PCDHA3: variants seen among roughly 807,000 people sequenced by gnomAD.
PCDHA3 encodes protocadherin alpha 3.
A neutral mutation model predicts 62.2 loss-of-function variants in PCDHA3; 41 were observed. That is an observed-to-expected ratio of 0.66 (90% confidence interval 0.51 to 0.86). The LOEUF (loss-of-function observed/expected upper bound fraction) is 0.86, where lower values mean the gene tolerates loss of function less well. PCDHA3 is among the 40% of genes least tolerant of loss of function. The pLI, the probability that PCDHA3 is intolerant of heterozygous loss-of-function variation, is 0.00. For missense variants in PCDHA3, 1,304 were observed against 1,241.2 expected (o/e 1.05, Z -0.76); for synonymous variants, 640 against 555.4 (o/e 1.15, Z -2.14).
chr5:140,842,903 C>A lies in PCDHA3; in HGVS notation c.2394+39312C>A. The A allele has an allele frequency of 2.5e-6, 4 of 1,594,400 alleles. 1 individual carries two copies. The South Asian group carries it at 4.4e-5, about 18-fold the overall frequency. On this transcript the variant is annotated intron_variant, in intron 1 of 3. Transcript: ENST00000522353. Reference sequence around the variant, plus strand: ...GCTGCAGCCGCTGGACCACGAGGAGCTAGAGCTGCTGCAGTTCCAGGTGAG... The same window carrying A: ...GCTGCAGCCGCTGGACCACGAGGAGATAGAGCTGCTGCAGTTCCAGGTGAG...
chr5:140,869,072 G>T, intron 1 of PCDHA3: 4 of 1,574,396 alleles, frequency 2.5e-6, no homozygotes, highest in Non-Finnish European at 2.6e-6. Flanking sequence ...TAAGTGTAAA[G>T]AAGCTTATTT....
intron 1 of PCDHA3, chr5:140,831,181 A>T (rs2150192269): frequency 5.3e-5 from 8 of 152,354 alleles, no homozygotes; most frequent in African/African-American, 1.9e-4. Context: ...GTGATTCAAC[A>T]GAATTTAGAC....
In PCDHA3 at chr5:140,835,864, T is replaced by C. The variant is rs2150246825; in HGVS notation, c.2394+32273T>C. 15 of 1,611,970 alleles carry C rather than the reference T, an allele frequency of 9.3e-6. No homozygotes were observed. The highest frequency in any genetic ancestry group is 1.2e-5 in the Non-Finnish European group (14 of 1,179,634). ...AAGAACGCGCTGGTGTCCTACTCGC[T>C]GGTGGAGCTGCGGGTGGGCGAGCGC... On this transcript the variant is annotated intron_variant, in intron 1 of 3. Transcript: ENST00000522353.
At chr5:140,871,659 T>C (rs2153275031) in intron 1 of PCDHA3, 1 of 1,218,398 alleles carries the variant, frequency 8.2e-7, no homozygotes, top group Non-Finnish European at 1.1e-6. Context: ...GATACACATC[T>C]TCAGTCTTTT....
rs782074950 is a variant in PCDHA3, at chr5:140,851,878, A to G, written c.2394+48287A>G. On this transcript the variant is annotated intron_variant, in intron 1 of 3. Transcript: ENST00000522353. ...AGCTCATACATAACACAAGGCAGAA[A>G]TCTGGATATGAGATTTGCCTCTTTA... is the stretch of plus-strand genomic sequence containing the variant. 6.1e-6 allele frequency: 6 copies of G among 977,806 alleles called. 1 individual carries two copies. The highest frequency in any genetic ancestry group is 7.4e-6 in the Non-Finnish European group (6 of 810,298). The allele number at this position is 977,806 out of a possible 1,614,324, so 60.6% of individuals were successfully genotyped here.
chr5:140,836,417 G>T, intron 1 of PCDHA3: 2 of 1,613,822 alleles, frequency 1.2e-6, no homozygotes, highest in Non-Finnish European at 1.7e-6. Flanking sequence ...CACCAAAGGC[G>T]TCGTCGCGGG....
chr5:140,863,854 A>T (rs984993232), intron 1 of PCDHA3: 2 of 177,552 alleles, frequency 1.1e-5, no homozygotes, highest in Admixed American at 1.1e-4. Context: ...TAAAAAAATT[A>T]GCTGGGTGTG....
intron 1 of PCDHA3, chr5:140,884,324 G>T (rs782624216): frequency 1.2e-6 from 2 of 1,613,840 alleles, no homozygotes; most frequent in Non-Finnish European, 1.7e-6. Context: ...GTCGGCAGGC[G>T]CTGTGGGTCC....
intron 1 of PCDHA3, among the ~76,000 whole-genome samples, chr5:140,907,751 A>T (rs1443394789): frequency 1.3e-5 from 2 of 152,134 alleles, no homozygotes; most frequent in African/African-American, 4.8e-5. Context: ...CACTTTGTTC[A>T]TGGGCCCATT....
At chr5:140,915,694 G>A (rs2077262169) in intron 1 of PCDHA3, among the ~76,000 whole-genome samples, 1 of 151,538 alleles carries the variant, frequency 6.6e-6, no homozygotes, top group African/African-American at 2.4e-5. Flanking sequence ...GTATGGTGAT[G>A]CAAGCACTCC....
chr5:140,957,416 A>T (rs1456143168), intron 1 of PCDHA3, among the ~76,000 whole-genome samples: 2 of 152,144 alleles, frequency 1.3e-5, no homozygotes, highest in East Asian at 1.9e-4. Flanking sequence ...TATTGTTGTT[A>T]ATCTTTTACT....
At chr5:140,946,152 G>T (rs1279401608) in intron 1 of PCDHA3, among the ~76,000 whole-genome samples, 1 of 151,750 alleles carries the variant, frequency 6.6e-6, no homozygotes, top group Non-Finnish European at 1.5e-5. Flanking sequence ...CAAATAACAC[G>T]ATTTAAAAGA....
intron 1 of PCDHA3, among the ~76,000 whole-genome samples, chr5:140,937,417 A>T (rs1226073587): frequency 5.3e-5 from 8 of 152,154 alleles, no homozygotes; most frequent in African/African-American, 1.9e-4. Context: ...CTTTTATTAG[A>T]TAGCTGATAT....
In PCDHA3 at chr5:140,802,821, G is replaced by T; in HGVS notation, c.1624G>T (p.Val542Leu). Residue 542 changes from valine to leucine, a missense_variant, in exon 1 of 4, where the codon GTG (valine) becomes TTG (leucine). By Grantham distance (32) the Val-to-Leu change is conservative. Coordinates refer to ENST00000522353, the MANE Select transcript of PCDHA3 (RefSeq NM_018906.3). ...CCAGGTGAGTGCGCGCGATGCGGGC[G>T]TGCCGCCTCTGGGCAGCAACGTGAC... Reference protein sequence around the residue: ...QFQVSARDAGVPPLGSNVTLQ... With the variant: ...QFQVSARDAGLPPLGSNVTLQ... The T allele has an allele frequency of 1.9e-6, 3 of 1,613,484 alleles. No individual in the cohort carries two copies. The highest frequency in any genetic ancestry group is 1.3e-5 in the African/African-American group (1 of 75,020).
chr5:140,902,465 T>C (rs535908878), intron 1 of PCDHA3, among the ~76,000 whole-genome samples: 4 of 152,280 alleles, frequency 2.6e-5, no homozygotes, highest in Non-Finnish European at 4.4e-5. Flanking sequence ...AGAAAAGGCT[T>C]TGAGTTTTTG....
At chr5:140,975,330 A>G (rs563974651) in intron 1 of PCDHA3, among the ~76,000 whole-genome samples, 1 of 152,320 alleles carries the variant, frequency 6.6e-6, no homozygotes, top group African/African-American at 2.4e-5. Flanking sequence ...CATCCAGATG[A>G]TCTCCCTTTC....
At chr5:140,903,714 A>G (rs1159490924) in intron 1 of PCDHA3, among the ~76,000 whole-genome samples, 3 of 152,324 alleles carry the variant, frequency 2.0e-5, no homozygotes, top group African/African-American at 2.4e-5. Context: ...AAAATATACA[A>G]TTCTCCCTAT....
chr5:140,842,657 G>A lies in PCDHA3; in HGVS notation c.2394+39066G>A, dbSNP rs2150341261. 6 of 1,595,442 alleles carry A rather than the reference G, an allele frequency of 3.8e-6. No individual in the cohort carries two copies. In the Admixed American group the frequency reaches 5.1e-5, roughly 13 times the overall value. ...CACCGCCAGCTTGTCTGTGGAGGTG[G>A]CCGACGTGAACGACAATGCTCCGGC... On this transcript the variant is annotated intron_variant, in intron 1 of 3. Transcript: ENST00000522353.
In PCDHA3 at chr5:140,852,727, G is replaced by T. The variant is rs1395858951; in HGVS notation, c.2394+49136G>T. The T allele has an allele frequency of 2.0e-6, 2 of 983,412 alleles. 1 individual carries two copies. The highest frequency in any genetic ancestry group is 2.5e-6 in the Non-Finnish European group (2 of 816,078). 60.9% of individuals were successfully genotyped at this position (983,412 alleles called of 1,614,324 possible). A position where few individuals can be genotyped will look rare whatever the true frequency, so the allele number is the denominator to read the frequency against. On this transcript the variant is annotated intron_variant, in intron 1 of 3. Transcript: ENST00000522353. ...ATCTTTGTCTTTGCACGTTTTTCAA[G>T]TTTCATGTGCCATTTAAACTTGGAC...
Sources: gnomAD v4.1 joint callset for allele counts (sites outside exome capture counted in the v4.1 genomes callset) on GRCh38, gnomAD v4.1.1 for gene constraint, MANE v1.5 for transcripts, NCBI Gene and HGNC (gene_info 2026-07-23, HGNC 2026-07-21) for gene names.